HS3ST5: variants seen among roughly 807,000 people sequenced by gnomAD.
HS3ST5 encodes heparan sulfate glucosamine 3-O-sulfotransferase 5.
In HS3ST5, 10 loss-of-function variants were observed where a neutral mutation model predicts 25.4. The ratio of observed to expected loss-of-function variants is 0.39; its 90% CI spans 0.24 to 0.67. The LOEUF (loss-of-function observed/expected upper bound fraction) is 0.67. HS3ST5 is among the 30% of genes least tolerant of loss of function. HS3ST5 has a pLI of 0.44. For synonymous variants in HS3ST5, 170 were observed against 162.4 expected, an observed-to-expected ratio of 1.05 and a Z score of -0.36; for missense variants, 324 against 420.7, an observed-to-expected ratio of 0.77 and a Z score of 2.01.
chr6:114,162,969 G>A (rs970392666), intron 3 of HS3ST5, among the ~76,000 whole-genome samples: 1 of 152,064 alleles, frequency 6.6e-6, no homozygotes, highest in Non-Finnish European at 1.5e-5. Flanking sequence ...TTGAGGGCGG[G>A]GGGTTTTGAA....
At chr6:114,231,894 CAG>C (rs199724161) in intron 1 of HS3ST5, among the ~76,000 whole-genome samples, 1,552 of 151,598 alleles carry the variant, frequency 0.01, 22 homozygotes, top group African/African-American at 0.035. Flanking sequence ...AACAAGGAAA[CAG>C]AGCTGAGAAA....
chr6:114,157,994 T>G (rs1272312197), intron 3 of HS3ST5, among the ~76,000 whole-genome samples: 1 of 152,174 alleles, frequency 6.6e-6, no homozygotes. Context: ...GATTAACTCC[T>G]TTGCATCCAT....
chr6:114,226,390 G>A (rs184909605), intron 2 of HS3ST5, among the ~76,000 whole-genome samples: 1 of 151,880 alleles, frequency 6.6e-6, no homozygotes, highest in East Asian at 1.9e-4. Flanking sequence ...AAGTACTTAG[G>A]TATCTATAAA....
chr6:114,060,802 G>A (rs1182010283), intron 4 of HS3ST5, among the ~76,000 whole-genome samples: 6 of 152,110 alleles, frequency 3.9e-5, no homozygotes, highest in Non-Finnish European at 8.8e-5. Flanking sequence ...ATCACATCCT[G>A]CAGAATAGTC....
In HS3ST5 at chr6:114,057,804, A is replaced by G; in HGVS notation, c.494T>C (p.Val165Ala). The G allele has an allele frequency of 6.2e-7, 1 of 1,614,068 alleles. No homozygotes were observed. The highest frequency in any genetic ancestry group is 8.5e-7 in the Non-Finnish European group (1 of 1,180,020). The change falls in exon 5 of 5, where the codon GTT becomes GCT. Residue 165 changes from valine (V) to alanine (A), a missense_variant. Val to Ala is a moderately conservative substitution (Grantham distance 64, BLOSUM62 0). Transcript: ENST00000312719. ...KSPAYFITEE[V>A]PERIYKMNSS... ...GTTCATTTTGTAAATCCTTTCTGGA[A>G]CCTCCTCTGTGATAAAATATGCTGG...
At chr6:114,320,766 G>C (rs1342830862) in intron 1 of HS3ST5, among the ~76,000 whole-genome samples, 1 of 151,864 alleles carries the variant, frequency 6.6e-6, no homozygotes, top group Non-Finnish European at 1.5e-5. Flanking sequence ...TTTTATTTGA[G>C]AAAAATTTGC....
intron 3 of HS3ST5, among the ~76,000 whole-genome samples, chr6:114,101,028 G>A (rs1216188651): frequency 1.3e-5 from 2 of 152,224 alleles, no homozygotes; most frequent in African/African-American, 4.8e-5. Context: ...TTTTGGAAGT[G>A]AATTATTTTT....
At chr6:114,224,318 G>T (rs1020432449) in intron 2 of HS3ST5, among the ~76,000 whole-genome samples, 1 of 151,394 alleles carries the variant, frequency 6.6e-6, no homozygotes, top group Non-Finnish European at 1.5e-5. Flanking sequence ...CTGTCACAAA[G>T]GATTTGAGAA....
chr6:114,256,278 C>T (rs368366601), intron 1 of HS3ST5, among the ~76,000 whole-genome samples: 90 of 152,020 alleles, frequency 5.9e-4, no homozygotes, highest in African/African-American at 2.1e-3. Flanking sequence ...GTCCCAGCTA[C>T]CCGGGAGGCT....
In HS3ST5 at chr6:114,084,328, G is replaced by T. The variant is rs1725411776; in HGVS notation, c.-32-21451C>A. 6.6e-6 allele frequency: 5 copies of T among 762,658 alleles called. No individual in the cohort carries two copies. The Admixed American group carries it at 8.5e-5, about 13-fold the overall frequency. 47.2% of individuals were successfully genotyped at this position (762,658 alleles called of 1,614,324 possible). A position where few individuals can be genotyped will look rare whatever the true frequency, so the allele number is the denominator to read the frequency against. On this transcript the variant is annotated intron_variant, in intron 3 of 4. Coordinates refer to ENST00000312719, the MANE Select transcript of HS3ST5 (RefSeq NM_153612.4). ...ACCTTCAGACCAGTCTGCAATCTCA[G>T]GCTGAGTAGCAGTGAACTCAGGAGC...
chr6:114,118,598 A>G (rs1436523242), intron 3 of HS3ST5, among the ~76,000 whole-genome samples: 3 of 152,214 alleles, frequency 2.0e-5, no homozygotes, highest in African/African-American at 7.2e-5. Context: ...TGAAAGTTTA[A>G]AACATGGAAG....
intron 3 of HS3ST5, among the ~76,000 whole-genome samples, chr6:114,070,474 G>A (rs1372152106): frequency 6.6e-6 from 1 of 151,962 alleles, no homozygotes; most frequent in African/African-American, 2.4e-5. Context: ...AATTAAAACT[G>A]ACCAGAATCA....
chr6:114,218,261 G>C (rs1204653475), intron 2 of HS3ST5, among the ~76,000 whole-genome samples: 1 of 152,196 alleles, frequency 6.6e-6, no homozygotes, highest in Admixed American at 6.5e-5. Flanking sequence ...GCCTCCCAAA[G>C]TGCTGGGATT....
At chr6:114,176,610 G>C (rs909050457) in intron 2 of HS3ST5, among the ~76,000 whole-genome samples, 1 of 151,994 alleles carries the variant, frequency 6.6e-6, no homozygotes, top group Admixed American at 6.6e-5. Context: ...CAACTCCATG[G>C]GGTTGCGGCT....
chr6:114,230,121 G>A (rs184438461), intron 1 of HS3ST5: 1,450 of 131,290 alleles, frequency 0.011, 24 homozygotes, highest in African/African-American at 0.038. Context: ...GTTGGAACTT[G>A]CCTTTTTTTT....
intron 3 of HS3ST5, among the ~76,000 whole-genome samples, chr6:114,074,189 G>C (rs932836187): frequency 2.6e-5 from 4 of 151,862 alleles, no homozygotes; most frequent in African/African-American, 9.7e-5. Context: ...GAAATACCTA[G>C]TGTAAATGAT....
chr6:114,170,257 A>G (rs12663407), intron 2 of HS3ST5, among the ~76,000 whole-genome samples: 23,696 of 152,150 alleles, frequency 0.16, 2,252 homozygotes, highest in South Asian at 0.31. Context: ...ACAAATTTAT[A>G]TATGTATGTA....
chr6:114,329,201 T>A (rs1776293870), intron 1 of HS3ST5, among the ~76,000 whole-genome samples: 6 of 152,160 alleles, frequency 3.9e-5, no homozygotes, highest in Admixed American at 3.9e-4. Flanking sequence ...CACTTTGAAG[T>A]GGGGAGTAGT....
chr6:114,185,794 C>G (rs1488289543), intron 2 of HS3ST5, among the ~76,000 whole-genome samples: 1 of 147,440 alleles, frequency 6.8e-6, no homozygotes, highest in African/African-American at 2.5e-5. Context: ...GGCTGGAATG[C>G]AGTAGTGCAA....
Sources: allele counts gnomAD v4.1 joint callset (sites outside exome capture counted in the v4.1 genomes callset), GRCh38; gene constraint gnomAD v4.1.1; transcripts MANE v1.5; gene names NCBI Gene and HGNC (gene_info 2026-07-23, HGNC 2026-07-21).